The following ETS2 variants were observed in gnomAD, a reference collection of about 807,000 sequenced individuals.
ETS2 encodes the protein ETS proto-oncogene 2, transcription factor.
In ETS2, 19 loss-of-function variants were observed where a neutral mutation model predicts 54.9. The observed-to-expected ratio is 0.35, with a 90% CI of 0.24 to 0.51. ETS2 has a LOEUF of 0.51. ETS2 is among the 20% of genes least tolerant of loss of function. The pLI, the probability that ETS2 is intolerant of heterozygous loss-of-function variation, is 0.97. For missense variants in ETS2, 417 were observed against 593.0 expected (o/e 0.70, Z 3.08); for synonymous variants, 219 against 229.3 (o/e 0.95, Z 0.41).
At chr21:38,818,349 G>C in intron 6 of ETS2, 76 bp from the exon 7 acceptor site, 1 of 1,603,830 alleles carries the variant, frequency 6.2e-7, no homozygotes, top group Non-Finnish European at 8.5e-7. Flanking sequence ...GTGCTCACCT[G>C]TCATTTGCTC....
rs1330653444 is a variant in ETS2 at position 38,806,158 on chromosome 21, C to T, written c.-1+38C>T. ...CCCGCAGAGAGCGCCCGGCGCGCGG[C>T]TCCAGTCCCATGGAGGGTCACCCGG... On this transcript the variant is annotated intron_variant, in intron 1 of 9. Coordinates refer to ENST00000360938, the MANE Select transcript of ETS2 (RefSeq NM_005239.6). The surrounding 1 kb of genome is among the most constrained non-coding windows in gnomAD (Gnocchi z 4.3). 7 of 1,010,912 alleles carry T rather than the reference C, an allele frequency of 6.9e-6. No individual in the cohort carries two copies. The highest frequency in any genetic ancestry group is 1.7e-5 in the African/African-American group (1 of 57,288). The allele number at this position is 1,010,912 out of a possible 1,614,324, so 62.6% of individuals were successfully genotyped here.
intron 3 of ETS2, among the ~76,000 whole-genome samples, chr21:38,813,873 A>G (rs2060922790): frequency 6.6e-6 from 1 of 152,138 alleles, no homozygotes; most frequent in African/African-American, 2.4e-5. Context: ...TTCATATCAC[A>G]CTCACTTCTC....
At chr21:38,809,885 G>C (rs1223595412) in intron 1 of ETS2, 150 bp from the exon 2 acceptor site, 3 of 582,310 alleles carry the variant, frequency 5.2e-6, no homozygotes, top group Non-Finnish European at 9.1e-6. Context: ...CCTTTGGGAG[G>C]ACAGCCATTT....
In ETS2 at chr21:38,812,859, C is replaced by G; in HGVS notation, c.73-144C>G. 6.4e-6 allele frequency: 4 copies of G among 623,120 alleles called. No individual in the cohort carries two copies. The East Asian group carries it at 1.1e-4, about 17-fold the overall frequency. 38.6% of individuals were successfully genotyped at this position (623,120 alleles called of 1,614,324 possible). A position where few individuals can be genotyped will look rare whatever the true frequency, so the allele number is the denominator to read the frequency against. ...CCATTTTACGAGTCTGTTTTAAGGA[C>G]TGACTGGTTGATTCCATGTTTGCTT... is the stretch of plus-strand genomic sequence containing the variant. On this transcript the variant is annotated intron_variant, in intron 2 of 9. Coordinates refer to ENST00000360938, the MANE Select transcript of ETS2 (RefSeq NM_005239.6).
At chr21:38,807,355 A>G (rs1254066119) in intron 1 of ETS2, among the ~76,000 whole-genome samples, 2 of 151,472 alleles carry the variant, frequency 1.3e-5, no homozygotes, top group Non-Finnish European at 2.9e-5. Flanking sequence ...TACTGTTGTC[A>G]GGCAAATTCT....
chr21:38,814,653 G>T lies in ETS2; in HGVS notation c.305-128G>T. 2 of 872,732 alleles carry T rather than the reference G, an allele frequency of 2.3e-6. No homozygotes were observed. Among genetic ancestry groups the T allele is most frequent in the Non-Finnish European group, 3.6e-6 (2 of 555,518 alleles). The allele number at this position is 872,732 out of a possible 1,614,324, so 54.1% of individuals were successfully genotyped here. A position where few individuals can be genotyped will look rare whatever the true frequency, so the allele number is the denominator to read the frequency against. On this transcript the variant is annotated intron_variant, in intron 4 of 9. Coordinates refer to ENST00000360938, the MANE Select transcript of ETS2 (RefSeq NM_005239.6). The surrounding 1 kb of genome is among the most constrained non-coding windows in gnomAD (Gnocchi z 4.2). ...TGTCAGAATGGTGACGTGTCATCAT[G>T]GTATCTTGCTCATTCGTGGGTTCTG...
Position 38,806,103 on chromosome 21 carries a change from C to A in ETS2, c.-18C>A. 9.4e-7 allele frequency: 1 copy of A among 1,061,802 alleles called. No individual in the cohort carries two copies. Among genetic ancestry groups the A allele is most frequent in the Non-Finnish European group, 1.1e-6 (1 of 877,874 alleles). 65.8% of individuals were successfully genotyped at this position (1,061,802 alleles called of 1,614,324 possible). A position where few individuals can be genotyped will look rare whatever the true frequency, so the allele number is the denominator to read the frequency against. The stretch of plus-strand genomic sequence containing the variant: ...GCCACCGTCCCGACCAAGCGCCGGC[C>A]CTGCCCGCAGCGGCAGGGTAAGAGC... On this transcript the variant is annotated 5_prime_UTR_variant, in exon 1 of 10. Transcript: ENST00000360938. The surrounding 1 kb of genome is among the most constrained non-coding windows in gnomAD (Gnocchi z 4.3).
intron 7 of ETS2, 97 bp downstream of exon 7, chr21:38,818,743 C>T (rs981324703): frequency 4.3e-6 from 6 of 1,406,898 alleles, no homozygotes; most frequent in Non-Finnish European, 5.9e-6. Flanking sequence ...TGGATTCAGC[C>T]ATTAGAGAAG....
intron 2 of ETS2, among the ~76,000 whole-genome samples, chr21:38,810,320 G>A (rs989679098): frequency 2.6e-5 from 4 of 152,116 alleles, no homozygotes; most frequent in Admixed American, 6.5e-5. Flanking sequence ...TCTCCTCCAC[G>A]ATATGAAACC....
In ETS2 at chr21:38,824,144, AG is replaced by A. The variant is rs1569028280; in HGVS notation, c.*1259del. On this transcript the variant is annotated 3_prime_UTR_variant, in exon 10 of 10. Coordinates refer to ENST00000360938, the MANE Select transcript of ETS2 (RefSeq NM_005239.6). ...ACAGAGCTGAAGGACGGGGGGCGGT[AG>A]GGGTCTTGATGAAACCTCTTGAACG... 1 of 152,636 alleles carries A rather than the reference AG, an allele frequency of 6.6e-6. No individual in the cohort carries two copies. 9.5% of individuals were successfully genotyped at this position (152,636 alleles called of 1,614,324 possible).
At chr21:38,807,434 T>G (rs1200677172) in intron 1 of ETS2, among the ~76,000 whole-genome samples, 1 of 146,744 alleles carries the variant, frequency 6.8e-6, no homozygotes, top group Non-Finnish European at 1.5e-5. Context: ...TTTTTTTTTT[T>G]TGGTTTAAAA....
Position 38,814,690 on chromosome 21 carries a change from T to C in ETS2, c.305-91T>C, listed in dbSNP as rs917469056. ...ATTCGTGGGTTCTGGTGTATGTCGG[T>C]ACTTGGTGCATAAATTAGGGATGAC... On this transcript the variant is annotated intron_variant, in intron 4 of 9. Transcript: ENST00000360938. The surrounding 1 kb of genome is among the most constrained non-coding windows in gnomAD (Gnocchi z 4.2). The C allele has an allele frequency of 1.7e-5, 20 of 1,173,318 alleles. No individual in the cohort carries two copies. The highest frequency in any genetic ancestry group is 7.2e-5 in the Admixed American group (4 of 55,710). 72.7% of individuals were successfully genotyped at this position (1,173,318 alleles called of 1,614,324 possible).
At chr21:38,811,133 A>G (rs2060912346) in intron 2 of ETS2, among the ~76,000 whole-genome samples, 1 of 151,752 alleles carries the variant, frequency 6.6e-6, no homozygotes, top group Admixed American at 6.6e-5. Flanking sequence ...GCTGAAATTG[A>G]TGTGTTGAAA....
intron 1 of ETS2, among the ~76,000 whole-genome samples, chr21:38,807,647 C>A (rs557422604): frequency 4.6e-5 from 7 of 152,310 alleles, no homozygotes; most frequent in African/African-American, 1.7e-4. Context: ...CAAAAGAATT[C>A]TATTCTGTAG....
upstream of ETS2, chr21:38,805,695 C>T (rs373528821): frequency 1.1e-4 from 131 of 1,139,590 alleles, no homozygotes; most frequent in African/African-American, 2.0e-3. The surrounding 1 kb of genome is among the most constrained non-coding windows in gnomAD (Gnocchi z 5.2). Context: ...CGTGCGTTCC[C>T]TCTCCTCTCC....
intron 2 of ETS2, among the ~76,000 whole-genome samples, chr21:38,810,802 C>T (rs2060911024): frequency 6.6e-6 from 1 of 152,182 alleles, no homozygotes; most frequent in South Asian, 2.1e-4. Flanking sequence ...AAATTGGCCT[C>T]CTCAAAGTTT....
In ETS2 at chr21:38,813,042, G is replaced by C. The variant is rs754290340; in HGVS notation, c.112G>C (p.Ala38Pro). 59 of 1,613,926 alleles carry C rather than the reference G, an allele frequency of 3.7e-5. No homozygotes were observed. The highest frequency in any genetic ancestry group is 4.9e-5 in the Non-Finnish European group (58 of 1,179,980). The part of the protein sequence containing the change: ...AFDTFDGSLF[A>P]VFPSLNEEQT... ...TGACACCTTTGATGGGTCCCTGTTT[G>C]CTGTTTTTCCTTCTCTAAATGAAGA... Residue 38 changes from alanine (A) to proline (P), a missense_variant, in exon 3 of 10, where the codon GCT becomes CCT. Transcript: ENST00000360938.
At chr21:38,805,423 C>T, upstream of ETS2, 1 of 1,288,678 alleles carries the variant, frequency 7.8e-7, no homozygotes, top group Non-Finnish European at 1.0e-6. This position sits in a 1 kb window ranked among gnomAD's most constrained non-coding sequence, Gnocchi z 5.2. Context: ...ACTGCTCCGT[C>T]GCTGCGGAAT....
In ETS2 at chr21:38,819,929, G is replaced by A. The variant is rs114944291; in HGVS notation, c.1075+163G>A. On this transcript the variant is annotated intron_variant, in intron 8 of 9. Coordinates refer to ENST00000360938, the MANE Select transcript of ETS2 (RefSeq NM_005239.6). ...CGTGGCTTGCTGTATCTCTGAATTC[G>A]ACAAAAGCCACACTTGGAGGAATTT... Among the ~76,000 whole-genome samples, 471 of 152,254 alleles carry A rather than the reference G, an allele frequency of 3.1e-3. 1 individual carries two copies. The highest frequency in any genetic ancestry group is 0.011 in the African/African-American group (440 of 41,522).
Sources: gnomAD v4.1 joint callset for allele counts (sites outside exome capture counted in the v4.1 genomes callset) on GRCh38, gnomAD v4.1.1 for gene constraint, Gnocchi (gnomAD v3.1) non-coding constraint, MANE v1.5 for transcripts, NCBI Gene and HGNC (gene_info 2026-07-23, HGNC 2026-07-21) for gene names.